ZNF217: variants seen among roughly 807,000 people sequenced by gnomAD.
The protein encoded by ZNF217 is zinc finger protein 217.
In ZNF217, 12 loss-of-function variants were observed where a neutral mutation model predicts 73.3. The ratio of observed to expected loss-of-function variants is 0.16; its 90% CI spans 0.10 to 0.27. The LOEUF (loss-of-function observed/expected upper bound fraction) is 0.27, where lower values mean the gene tolerates loss of function less well. ZNF217 is among the 10% of genes least tolerant of loss of function. The pLI, the probability that ZNF217 is intolerant of heterozygous loss-of-function variation, is 1.00. For missense variants in ZNF217, 1,195 were observed against 1,327.8 expected, an observed-to-expected ratio of 0.90 and a Z score of 1.55; for synonymous variants, 588 against 516.4, an observed-to-expected ratio of 1.14 and a Z score of -1.88.
intron 1 of ZNF217, among the ~76,000 whole-genome samples, chr20:53,588,615 TATATATATATAC>T (rs754668314): frequency 0.16 from 12,930 of 80,888 alleles, 707 homozygotes; most frequent in Non-Finnish European, 0.22. Flanking sequence ...TATATATATA[TATATATATATAC>T]ACACACACAC....
upstream of ZNF217, among the ~76,000 whole-genome samples, chr20:53,596,314 T>A (rs963598564): frequency 2.6e-5 from 4 of 152,200 alleles, no homozygotes; most frequent in Non-Finnish European, 5.9e-5. Context: ...CACTGATCTG[T>A]CTGCTAAGAG....
At chr20:53,594,036 AC>A (rs558490926), upstream of ZNF217, among the ~76,000 whole-genome samples, 70 of 129,880 alleles carry the variant, frequency 5.4e-4, 1 homozygote, top group Middle Eastern at 4.3e-3. Context: ...CGCCTCCAAG[AC>A]CCCCCCCCAA....
In ZNF217 at chr20:53,581,150, T is replaced by C. The variant is rs1293526635; in HGVS notation, c.1366+311A>G. On this transcript the variant is annotated intron_variant, in intron 2 of 5. Coordinates refer to ENST00000371471, the MANE Select transcript of ZNF217 (RefSeq NM_006526.3). This position sits in a 1 kb window ranked among gnomAD's most constrained non-coding sequence, Gnocchi z 4.9. Reference sequence around the variant, plus strand: ...CAGTTAAGAAGCAGTGCATTTGGGCTGGATGCACAAGTTATTTTTTTTTTA... The same window carrying C: ...CAGTTAAGAAGCAGTGCATTTGGGCCGGATGCACAAGTTATTTTTTTTTTA... Among the ~76,000 whole-genome samples, 1 of 152,144 alleles carries C rather than the reference T, an allele frequency of 6.6e-6. No homozygotes were observed. The highest frequency in any genetic ancestry group is 1.9e-4 in the East Asian group (1 of 5,204).
chr20:53,569,307 A>G lies in ZNF217; in HGVS notation c.*24-43T>C, dbSNP rs750304662. 2.5e-6 allele frequency: 3 copies of G among 1,221,632 alleles called. No individual in the cohort carries two copies. The South Asian group carries it at 4.3e-5, about 18-fold the overall frequency. 75.7% of individuals were successfully genotyped at this position (1,221,632 alleles called of 1,614,324 possible). A position where few individuals can be genotyped will look rare whatever the true frequency, so the allele number is the denominator to read the frequency against. ...TTTTAAATGATTAAGATCAAAACTG[A>G]ATACAGTTTAGAAAATTCTTTCTTT... is the stretch of plus-strand genomic sequence containing the variant. On this transcript the variant is annotated intron_variant, in intron 5 of 5. Coordinates refer to ENST00000371471, the MANE Select transcript of ZNF217 (RefSeq NM_006526.3).
rs1988298725 is a variant in ZNF217, at chr20:53,576,898, G to A, written c.1866C>T (p.Tyr622=). The part of the protein sequence containing the change: ...DKVNKNPTPA[Y]LDLLKKRSAV... Reference sequence around the variant, plus strand: ...CTGATCTCTTTTTTAACAGGTCCAGGTAAGCAGGGGTAGGGTTTTTATTCA... The same window carrying A: ...CTGATCTCTTTTTTAACAGGTCCAGATAAGCAGGGGTAGGGTTTTTATTCA... Residue 622 remains tyrosine (Y), a synonymous_variant, in exon 4 of 6, where the codon TAC becomes TAT. Transcript: ENST00000371471. The A allele has an allele frequency of 1.2e-6, 2 of 1,614,048 alleles. No individual in the cohort carries two copies. The highest frequency in any genetic ancestry group is 2.7e-5 in the African/African-American group (2 of 74,918).
At chr20:53,570,690 G>T (rs900451440) in intron 5 of ZNF217, among the ~76,000 whole-genome samples, 5 of 152,156 alleles carry the variant, frequency 3.3e-5, no homozygotes, top group African/African-American at 1.2e-4. Flanking sequence ...CCTTTAACAT[G>T]TGAACCACAT....
At position 53,567,918 on chromosome 20, in the gene ZNF217, A is replaced by G. The variant is rs1270876603; in HGVS notation, c.*1370T>C. On this transcript the variant is annotated 3_prime_UTR_variant, in exon 6 of 6. Coordinates refer to ENST00000371471, the MANE Select transcript of ZNF217 (RefSeq NM_006526.3). Reference sequence around the variant, plus strand: ...AATGAACAGTGCAAATTTATTTTTGAAACAGTTTCTTAATAAAATATTTTG... The same window carrying G: ...AATGAACAGTGCAAATTTATTTTTGGAACAGTTTCTTAATAAAATATTTTG... 1 of 152,628 alleles carries G rather than the reference A, an allele frequency of 6.6e-6. No individual in the cohort carries two copies. The highest frequency in any genetic ancestry group is 1.5e-5 in the Non-Finnish European group (1 of 68,038). 9.5% of individuals were successfully genotyped at this position (152,628 alleles called of 1,614,324 possible).
intron 5 of ZNF217, chr20:53,570,602 A>G (rs940808704): frequency 2.6e-5 from 4 of 152,658 alleles, no homozygotes; most frequent in Non-Finnish European, 5.9e-5. Context: ...TTAACTAAAT[A>G]TAAACTAACA....
intron 2 of ZNF217, among the ~76,000 whole-genome samples, chr20:53,580,256 C>T (rs1385389712): frequency 1.3e-5 from 2 of 152,130 alleles, no homozygotes; most frequent in African/African-American, 2.4e-5. Flanking sequence ...AGGAAGAGTC[C>T]AATCAATCGT....
intron 1 of ZNF217, 108 bp downstream of exon 1, chr20:53,593,648 G>C (rs893531561): frequency 1.2e-4 from 18 of 151,400 alleles, no homozygotes; most frequent in Admixed American, 2.6e-4. Flanking sequence ...GGTCATCCTG[G>C]GGGGGGACAA....
chr20:53,584,993 T>G (rs923535633), intron 1 of ZNF217, among the ~76,000 whole-genome samples: 6 of 151,392 alleles, frequency 4.0e-5, no homozygotes, highest in African/African-American at 1.5e-4. Context: ...TAAAATACGC[T>G]TATTTTTTAA....
intron 2 of ZNF217, 93 bp from the exon 3 acceptor site, chr20:53,578,543 T>C: frequency 1.3e-6 from 1 of 788,970 alleles, no homozygotes; most frequent in South Asian, 2.1e-5. Flanking sequence ...TAAACATTTT[T>C]GGAAAGCATG....
At chr20:53,587,988 CTGTGGAAA>C in intron 1 of ZNF217, among the ~76,000 whole-genome samples, 1 of 152,104 alleles carries the variant, frequency 6.6e-6, no homozygotes, top group South Asian at 2.1e-4. Context: ...CCTAATTTAG[CTGTGGAAA>C]GATGCTTCCA....
intron 5 of ZNF217, among the ~76,000 whole-genome samples, chr20:53,569,947 A>G (rs1227064113): frequency 1.3e-5 from 2 of 152,178 alleles, no homozygotes; most frequent in South Asian, 2.1e-4. Flanking sequence ...GTCTCAGACA[A>G]ACAAAACCAA....
chr20:53,585,480 G>A (rs888346055), intron 1 of ZNF217, among the ~76,000 whole-genome samples: 7 of 152,186 alleles, frequency 4.6e-5, no homozygotes, highest in East Asian at 1.9e-4. Flanking sequence ...AGGAGGTGGA[G>A]GTTGCAGTGA....
intron 1 of ZNF217, among the ~76,000 whole-genome samples, chr20:53,587,820 A>C (rs1278317044): frequency 6.8e-6 from 1 of 147,680 alleles, no homozygotes. Flanking sequence ...TTTTTTCTTA[A>C]TCTGACAAGT....
intron 4 of ZNF217, chr20:53,575,490 T>C (rs1275232954): frequency 2.3e-6 from 1 of 437,426 alleles, no homozygotes; most frequent in African/African-American, 2.0e-5. Context: ...AAAGTAAGAC[T>C]AAACAAATCA....
chr20:53,575,946 A>G lies in ZNF217; in HGVS notation c.2818T>C (p.Tyr940His), dbSNP rs139310891. 2 of 1,614,242 alleles carry G rather than the reference A, an allele frequency of 1.2e-6. No individual in the cohort carries two copies. The highest frequency in any genetic ancestry group is 1.7e-6 in the Non-Finnish European group (2 of 1,180,054). ...DQPGANYRRG[Y>H]DLPKYHMVRG... ...ACCATATGGTACTTGGGAAGGTCATAGCCTCTTCTGTAATTGGCCCCGGGC... is the reference window on the plus strand; with the variant it reads ...ACCATATGGTACTTGGGAAGGTCATGGCCTCTTCTGTAATTGGCCCCGGGC... The change falls in exon 4 of 6, where the codon TAT becomes CAT. Residue 940 changes from tyrosine to histidine, a missense_variant. Tyr to His is a moderately conservative substitution (Grantham distance 83). Coordinates refer to ENST00000371471, the MANE Select transcript of ZNF217 (RefSeq NM_006526.3).
intron 1 of ZNF217, among the ~76,000 whole-genome samples, chr20:53,588,685 T>C (rs1988786001): frequency 6.6e-6 from 1 of 151,860 alleles, no homozygotes; most frequent in South Asian, 2.1e-4. Context: ...CTTCTTCCAA[T>C]GAGCGCTCTC....
Sources: gnomAD v4.1 joint callset for allele counts (sites outside exome capture counted in the v4.1 genomes callset) on GRCh38, gnomAD v4.1.1 for gene constraint, Gnocchi (gnomAD v3.1) non-coding constraint, MANE v1.5 for transcripts, NCBI Gene and HGNC (gene_info 2026-07-23, HGNC 2026-07-21) for gene names.